Variants in AK4 observed in about 807,000 individuals in gnomAD.
AK4 encodes adenylate kinase 4, mitochondrial.
A neutral mutation model predicts 24.6 loss-of-function variants in AK4; 13 were observed. The ratio of observed to expected loss-of-function variants is 0.53; its 90% CI spans 0.34 to 0.84. AK4 has a LOEUF of 0.84. AK4 is among the 40% of genes least tolerant of loss of function. AK4 has a pLI of 0.01. For synonymous variants in AK4, 88 were observed against 107.0 expected (o/e 0.82, Z 1.10); for missense variants, 192 against 288.2 (o/e 0.67, Z 2.42).
intron 2 of AK4, among the ~76,000 whole-genome samples, chr1:65,217,703 G>A (rs1024285747): frequency 2.6e-5 from 4 of 152,122 alleles, no homozygotes; most frequent in Non-Finnish European, 5.9e-5. Flanking sequence ...GTCACCCAGA[G>A]CTTATACTTA....
In AK4 at chr1:65,200,722, C is replaced by A. The variant is rs1357837719; in HGVS notation, c.265+9893C>A. On this transcript the variant is annotated intron_variant, in intron 2 of 4. Transcript: ENST00000327299. ...TTGATCAGCAGCTGTGTGCCAGACA[C>A]CACAGTAGAGCAACAAAGAGACTAG... is the stretch of plus-strand genomic sequence containing the variant. Among the ~76,000 whole-genome samples the A allele has an allele frequency of 3.9e-5, 6 of 152,254 alleles. No individual in the cohort carries two copies. The South Asian group carries it at 1.0e-3, about 26-fold the overall frequency.
Position 65,206,941 on chromosome 1 carries a change from G to A in AK4, c.266-11813G>A, listed in dbSNP as rs541647445. On this transcript the variant is annotated intron_variant, in intron 2 of 4. Transcript: ENST00000327299. ...CTTACTTAAGAACAAGGGTTATAAGGTAACAGTTTTATCTGTGTCTTTATT... is the reference window on the plus strand; with the variant it reads ...CTTACTTAAGAACAAGGGTTATAAGATAACAGTTTTATCTGTGTCTTTATT... Among the ~76,000 whole-genome samples the A allele has an allele frequency of 6.6e-5, 10 of 152,286 alleles. No individual in the cohort carries two copies. The South Asian group carries it at 2.1e-3, about 32-fold the overall frequency.
rs369973856 is a variant in AK4, at chr1:65,189,178, G to A, written c.146-1532G>A. ...TCGAACTCTTGACCTCAGGTGATCCGCCTGCCTCGACCTCCCAAAGTGCTG... is the reference window on the plus strand; with the variant it reads ...TCGAACTCTTGACCTCAGGTGATCCACCTGCCTCGACCTCCCAAAGTGCTG... On this transcript the variant is annotated intron_variant, in intron 1 of 4. Transcript: ENST00000327299. Among the ~76,000 whole-genome samples the A allele has an allele frequency of 7.6e-4, 115 of 150,496 alleles. 2 individuals are homozygous for A. The East Asian group carries it at 0.01, about 13-fold the overall frequency.
At chr1:65,178,661 A>G (rs2101022017) in intron 1 of AK4, among the ~76,000 whole-genome samples, 1 of 152,332 alleles carries the variant, frequency 6.6e-6, no homozygotes, top group South Asian at 2.1e-4. Context: ...AACATTTGCT[A>G]GCCCTTCAGA....
rs1397748339 is a variant in AK4, at chr1:65,230,308, G to C, written c.*4131G>C. 1 of 152,180 alleles carries C rather than the reference G, an allele frequency of 6.6e-6. No individual in the cohort carries two copies. Among genetic ancestry groups the C allele is most frequent in the African/African-American group, 2.4e-5 (1 of 41,422 alleles). The allele number at this position is 152,180 out of a possible 1,614,324, so 9.4% of individuals were successfully genotyped here. ...TTTTTCCTGCTATTTAAGATGTTGA[G>C]ACCGGATAACTTTAGAAAGATACCT... On this transcript the variant is annotated 3_prime_UTR_variant, in exon 5 of 5. Transcript: ENST00000327299.
At chr1:65,161,955 A>G (rs149107108) in intron 1 of AK4, among the ~76,000 whole-genome samples, 351 of 152,268 alleles carry the variant, frequency 2.3e-3, no homozygotes, top group African/African-American at 8.2e-3. Context: ...GCGTGTGAAG[A>G]TTTGGTAGCA....
At chr1:65,207,618 A>G (rs1295767382) in intron 2 of AK4, among the ~76,000 whole-genome samples, 1 of 149,320 alleles carries the variant, frequency 6.7e-6, no homozygotes. Context: ...GGTTCGTTAC[A>G]CGGGTAAATT....
chr1:65,172,103 A>ATATATATATATATATTTT (rs1553122938), intron 1 of AK4, among the ~76,000 whole-genome samples: 2 of 115,500 alleles, frequency 1.7e-5, no homozygotes, highest in East Asian at 3.0e-4. Context: ...ATATATATAT[A>ATATATATATATATATTTT]TTTAAACTCA....
chr1:65,155,801 C>T (rs1649962298), intron 1 of AK4, among the ~76,000 whole-genome samples: 1 of 152,078 alleles, frequency 6.6e-6, no homozygotes, highest in East Asian at 1.9e-4. Context: ...TCCCAAGTAG[C>T]TGGGATTATA....
At chr1:65,191,731 A>C (rs1651315321) in intron 2 of AK4, among the ~76,000 whole-genome samples, 1 of 150,908 alleles carries the variant, frequency 6.6e-6, no homozygotes, top group Non-Finnish European at 1.5e-5. Context: ...AGAGTTGTTA[A>C]GTAGGGGTAT....
chr1:65,192,525 C>G (rs1055396975), intron 2 of AK4, among the ~76,000 whole-genome samples: 9 of 152,300 alleles, frequency 5.9e-5, no homozygotes, highest in Admixed American at 2.0e-4. Context: ...CCACCTCCCC[C>G]TCCAAAACAA....
chr1:65,209,727 C>A (rs1651916137), intron 2 of AK4, among the ~76,000 whole-genome samples: 1 of 152,200 alleles, frequency 6.6e-6, no homozygotes, highest in African/African-American at 2.4e-5. Context: ...TTATAGAATC[C>A]ATCATTTAAG....
At chr1:65,154,419 TG>T (rs1186727900) in intron 1 of AK4, 1 of 428,068 alleles carries the variant, frequency 2.3e-6, no homozygotes, top group African/African-American at 2.0e-5. Flanking sequence ...AGAATGCCCT[TG>T]GAAGAGCACA....
chr1:65,156,648 G>T (rs773990027), intron 1 of AK4, among the ~76,000 whole-genome samples: 27 of 152,006 alleles, frequency 1.8e-4, no homozygotes, highest in Non-Finnish European at 3.7e-4. Context: ...AATTTGCCGG[G>T]CTCGGTGGCT....
intron 3 of AK4, among the ~76,000 whole-genome samples, chr1:65,222,952 G>C (rs866013221): frequency 5.3e-5 from 8 of 151,934 alleles, no homozygotes; most frequent in Middle Eastern, 3.4e-3. Context: ...TTTTAAGGAG[G>C]CATGATTCCT....
chr1:65,230,504 G>A lies in AK4; in HGVS notation c.*4327G>A, dbSNP rs80055470. 7.9e-4 allele frequency: 120 copies of A among 152,246 alleles called. 1 individual carries two copies. Among genetic ancestry groups the A allele is most frequent in the African/African-American group, 2.8e-3 (116 of 41,548 alleles). 9.4% of individuals were successfully genotyped at this position (152,246 alleles called of 1,614,324 possible). ...CAGGTATAGGCACTAGGTACTGTCTGTTTACTTCATGTTAGGCACATTACA... is the reference window on the plus strand; with the variant it reads ...CAGGTATAGGCACTAGGTACTGTCTATTTACTTCATGTTAGGCACATTACA... On this transcript the variant is annotated 3_prime_UTR_variant, in exon 5 of 5. Coordinates refer to ENST00000327299, the MANE Select transcript of AK4 (RefSeq NM_013410.4).
chr1:65,213,149 G>T (rs893638696), intron 2 of AK4, among the ~76,000 whole-genome samples: 1 of 152,202 alleles, frequency 6.6e-6, no homozygotes, highest in Non-Finnish European at 1.5e-5. Flanking sequence ...TTCCTTGGAA[G>T]TTATACCATG....
chr1:65,155,957 A>G (rs1649968858), intron 1 of AK4, among the ~76,000 whole-genome samples: 1 of 151,000 alleles, frequency 6.6e-6, no homozygotes, highest in African/African-American at 2.4e-5. Context: ...GGCATGAGCC[A>G]CCTTCCACAC....
chr1:65,150,531 C>T (rs1649737261), intron 1 of AK4, among the ~76,000 whole-genome samples: 1 of 152,006 alleles, frequency 6.6e-6, no homozygotes. Flanking sequence ...AGTGAACTTT[C>T]GGGTTATCGG....
Sources: gnomAD v4.1 joint callset for allele counts (sites outside exome capture counted in the v4.1 genomes callset) on GRCh38, gnomAD v4.1.1 for gene constraint, MANE v1.5 for transcripts, NCBI Gene and HGNC (gene_info 2026-07-23, HGNC 2026-07-21) for gene names.